The following BAIAP2L1 variants were observed in gnomAD, a reference collection of about 807,000 sequenced individuals.
The protein encoded by BAIAP2L1 is BAR/IMD domain containing adaptor protein 2 like 1.
In BAIAP2L1, 35 loss-of-function variants were observed where a neutral mutation model predicts 66.3. That is an observed-to-expected ratio of 0.53 (90% confidence interval 0.40 to 0.70). The LOEUF (loss-of-function observed/expected upper bound fraction) is 0.70, where lower values mean the gene tolerates loss of function less well. Among genes scored for constraint, BAIAP2L1 ranks in the 30% least tolerant of loss-of-function variants. The probability of loss-of-function intolerance (pLI) is 0.00; values close to 1 mark genes in which losing one functional copy is unlikely to be tolerated. For missense variants in BAIAP2L1, 622 were observed against 656.9 expected (o/e 0.95, Z 0.58); for synonymous variants, 269 against 248.7 (o/e 1.08, Z -0.77).
chr7:98,368,579 T>C (rs1186305517), intron 1 of BAIAP2L1, among the ~76,000 whole-genome samples: 1 of 152,056 alleles, frequency 6.6e-6, no homozygotes, highest in East Asian at 1.9e-4. Context: ...TAATCCCAGC[T>C]ACTTGGGGGG....
intron 1 of BAIAP2L1, among the ~76,000 whole-genome samples, chr7:98,375,939 A>G (rs756777106): frequency 6.6e-6 from 1 of 152,122 alleles, no homozygotes; most frequent in Non-Finnish European, 1.5e-5. Context: ...TATCTAGCCG[A>G]TATTTTATAT....
chr7:98,360,049 C>G (rs995603395), intron 2 of BAIAP2L1, among the ~76,000 whole-genome samples: 1 of 151,778 alleles, frequency 6.6e-6, no homozygotes, highest in Non-Finnish European at 1.5e-5. Flanking sequence ...CAGCCTCCCA[C>G]GTAGTTGGGA....
intron 1 of BAIAP2L1, among the ~76,000 whole-genome samples, chr7:98,372,494 T>TA (rs1802532966): frequency 1.3e-5 from 2 of 152,204 alleles, no homozygotes; most frequent in East Asian, 3.9e-4. Flanking sequence ...GCTAAAAGTG[T>TA]AACATTTATG....
At chr7:98,318,711 G>A (rs893019539) in intron 5 of BAIAP2L1, among the ~76,000 whole-genome samples, 4 of 151,690 alleles carry the variant, frequency 2.6e-5, no homozygotes, top group African/African-American at 4.8e-5. Context: ...TTAGGAGGCC[G>A]AGGCAGGTGC....
chr7:98,342,697 G>A (rs1024808996), intron 3 of BAIAP2L1, among the ~76,000 whole-genome samples: 2 of 152,154 alleles, frequency 1.3e-5, no homozygotes, highest in African/African-American at 4.8e-5. Context: ...CTTATTTCCT[G>A]AGAAGTCAAT....
At chr7:98,307,294 T>G (rs1444220700) in intron 10 of BAIAP2L1, 14 of 603,884 alleles carry the variant, frequency 2.3e-5, no homozygotes, top group Non-Finnish European at 3.0e-5. Context: ...TTCGTAGAGA[T>G]GGGGTTTCAC....
chr7:98,376,657 CAAAAAAAAA>C (rs71112147), intron 1 of BAIAP2L1, among the ~76,000 whole-genome samples: 1 of 92,934 alleles, frequency 1.1e-5, no homozygotes, highest in Non-Finnish European at 2.0e-5. Flanking sequence ...CCCATCTTTA[CAAAAAAAAA>C]AAAAAAAAAC....
At chr7:98,375,096 A>G (rs1225374511) in intron 1 of BAIAP2L1, among the ~76,000 whole-genome samples, 2 of 151,924 alleles carry the variant, frequency 1.3e-5, no homozygotes, top group Admixed American at 6.6e-5. Context: ...CAAAAAAAAC[A>G]AAAAACAAAA....
chr7:98,400,722 G>A (rs1002249685), intron 1 of BAIAP2L1, 80 bp downstream of exon 1: 2 of 1,479,932 alleles, frequency 1.4e-6, no homozygotes, highest in African/African-American at 1.4e-5. Context: ...GGGAGGGAAA[G>A]TACCTTCCCG....
In BAIAP2L1 at chr7:98,397,607, G is replaced by A. The variant is rs186431520; in HGVS notation, c.51+3195C>T. Among the ~76,000 whole-genome samples, 198 of 152,196 alleles carry A rather than the reference G, an allele frequency of 1.3e-3. 3 individuals are homozygous for A. The East Asian group carries it at 0.015, about 12-fold the overall frequency. On this transcript the variant is annotated intron_variant, in intron 1 of 13. Transcript: ENST00000005260. ...CTCCCAAAGTGCTGGGATTACAGGC[G>A]TGAGCCACCGCGCCGGGCCCTACTT...
intron 3 of BAIAP2L1, among the ~76,000 whole-genome samples, chr7:98,352,653 A>C (rs1277738657): frequency 2.0e-5 from 3 of 152,168 alleles, no homozygotes; most frequent in East Asian, 3.9e-4. Context: ...AAAAAACAAA[A>C]ACAAAAAATA....
intron 1 of BAIAP2L1, among the ~76,000 whole-genome samples, chr7:98,395,407 C>T (rs1465734841): frequency 1.3e-5 from 2 of 150,418 alleles, no homozygotes; most frequent in Non-Finnish European, 3.0e-5. Context: ...CCACTGCACC[C>T]CAGCCTGGGC....
intron 12 of BAIAP2L1, among the ~76,000 whole-genome samples, chr7:98,296,181 TC>T (rs1313201434): frequency 1.3e-5 from 2 of 151,784 alleles, no homozygotes; most frequent in Admixed American, 6.6e-5. Context: ...GCTTGGGGAG[TC>T]TGGTGTTGGA....
chr7:98,343,011 C>T (rs954549709), intron 3 of BAIAP2L1, among the ~76,000 whole-genome samples: 6 of 151,444 alleles, frequency 4.0e-5, no homozygotes, highest in Admixed American at 2.0e-4. Flanking sequence ...CTTTATCACA[C>T]GTGATAAAGT....
intron 3 of BAIAP2L1, among the ~76,000 whole-genome samples, chr7:98,322,688 CGT>C (rs1163096028): frequency 6.6e-6 from 1 of 152,184 alleles, no homozygotes; most frequent in African/African-American, 2.4e-5. Flanking sequence ...CGTCCCACCA[CGT>C]GGGCTTTCGA....
chr7:98,313,734 T>C (rs1344682722), intron 7 of BAIAP2L1, among the ~76,000 whole-genome samples: 1 of 151,466 alleles, frequency 6.6e-6, no homozygotes, highest in Non-Finnish European at 1.5e-5. Flanking sequence ...TCCTTCCACC[T>C]CAGCCTCCTG....
Position 98,293,079 on chromosome 7 carries a change from C to A in BAIAP2L1, c.*442G>T. 3 of 628,156 alleles carry A rather than the reference C, an allele frequency of 4.8e-6. No individual in the cohort carries two copies. The highest frequency in any genetic ancestry group is 1.9e-5 in the African/African-American group (1 of 51,464). 38.9% of individuals were successfully genotyped at this position (628,156 alleles called of 1,614,324 possible). ...AAATTATGATTTGCATGCTAAGATG[C>A]AAACTTACGTGATATCTTCTTTAGA... On this transcript the variant is annotated 3_prime_UTR_variant, in exon 14 of 14. Coordinates refer to ENST00000005260, the MANE Select transcript of BAIAP2L1 (RefSeq NM_018842.5).
chr7:98,380,731 G>A (rs959164683), intron 1 of BAIAP2L1, among the ~76,000 whole-genome samples: 15 of 130,438 alleles, frequency 1.1e-4, no homozygotes, highest in Non-Finnish European at 1.5e-4. Flanking sequence ...CACCATATCC[G>A]GTCCGTTTTT....
At chr7:98,383,464 T>C (rs920763567) in intron 1 of BAIAP2L1, among the ~76,000 whole-genome samples, 19 of 151,842 alleles carry the variant, frequency 1.3e-4, no homozygotes, top group African/African-American at 4.6e-4. Flanking sequence ...TTTTTGTATT[T>C]TTAGTAGAGA....
Sources: allele counts gnomAD v4.1 joint callset (sites outside exome capture counted in the v4.1 genomes callset), GRCh38; gene constraint gnomAD v4.1.1; transcripts MANE v1.5; gene names NCBI Gene and HGNC (gene_info 2026-07-23, HGNC 2026-07-21).